A2M: variants seen among roughly 807,000 people sequenced by gnomAD.
A2M encodes the protein alpha-2-macroglobulin.
A2M carries 128 observed loss-of-function variants against 183.9 expected under a neutral mutation model. The observed-to-expected ratio is 0.70, with a 90% CI of 0.60 to 0.81. The LOEUF (loss-of-function observed/expected upper bound fraction) is 0.81. Among genes scored for constraint, A2M ranks in the 30% least tolerant of loss-of-function variants. The pLI is 0.00. For missense variants in A2M, 1,495 were observed against 1,787.6 expected, an observed-to-expected ratio of 0.84 and a Z score of 2.95; for synonymous variants, 592 against 670.8, an observed-to-expected ratio of 0.88 and a Z score of 1.81.
rs777078132 is a variant in A2M, at chr12:9,087,872, TACCC to T, written c.2770+1324_2770+1327del. Among the ~76,000 whole-genome samples, 883 of 152,274 alleles carry T rather than the reference TACCC, an allele frequency of 5.8e-3. 8 individuals are homozygous for T. Among genetic ancestry groups the T allele is most frequent in the African/African-American group, 0.02 (814 of 41,588 alleles). On this transcript the variant is annotated intron_variant, in intron 22 of 35. Transcript: ENST00000318602. ...ACTCAGGAATTTAACATTTTGGATC[TACCC>T]TAGCTGTACTTGCATATGTTCATTA...
At position 9,077,354 on chromosome 12, in the gene A2M, T is replaced by C; in HGVS notation, c.3343A>G (p.Thr1115Ala). The change falls in exon 27 of 36, where the codon ACA becomes GCA. Residue 1115 changes from threonine to alanine, a missense_variant. By Grantham distance (58) the Thr-to-Ala change is moderately conservative. Transcript: ENST00000318602. ...AATGGGGTGGTACCTACAGTGACTGTGAGAGGAATCTCCAGAAGGGCGATG... is the reference window on the plus strand; with the variant it reads ...AATGGGGTGGTACCTACAGTGACTGCGAGAGGAATCTCCAGAAGGGCGATG... The part of the protein sequence containing the change: ...ITIALLEIPL[T>A]VTHPVVRNAL... 6.2e-7 allele frequency: 1 copy of C among 1,613,208 alleles called. No homozygotes were observed. The highest frequency in any genetic ancestry group is 8.5e-7 in the Non-Finnish European group (1 of 1,179,582).
At chr12:9,069,252 A>G (rs1332315188) in intron 33 of A2M, among the ~76,000 whole-genome samples, 2 of 152,216 alleles carry the variant, frequency 1.3e-5, no homozygotes, top group Admixed American at 6.5e-5. Context: ...TTTGTAAACT[A>G]TAATTCCCAT....
chr12:9,093,396 A>T (rs1949269027), intron 18 of A2M, 69 bp downstream of exon 18: 1 of 1,045,272 alleles, frequency 9.6e-7, no homozygotes, highest in Non-Finnish European at 1.5e-6. Context: ...AAACAGAAAA[A>T]CTAGCAAAGA....
chr12:9,109,454 G>T (rs777697022), intron 6 of A2M, 49 bp from the exon 7 acceptor site: 2 of 1,442,726 alleles, frequency 1.4e-6, no homozygotes, highest in South Asian at 2.4e-5. Context: ...CAACTTTGGG[G>T]GAATTCCTAT....
chr12:9,097,632 C>CTTTTTT (rs34844537), intron 15 of A2M, among the ~76,000 whole-genome samples: 17,777 of 126,376 alleles, frequency 0.14, 1,411 homozygotes, highest in African/African-American at 0.16. Flanking sequence ...TGATGTAATT[C>CTTTTTT]TTTTTTTTTT....
At position 9,094,988 on chromosome 12, in the gene A2M, G is replaced by T; in HGVS notation, c.2110C>A (p.Arg704Ser). 1.3e-6 allele frequency: 2 copies of T among 1,561,928 alleles called. No individual in the cohort carries two copies. Among genetic ancestry groups the T allele is most frequent in the Non-Finnish European group, 8.7e-7 (1 of 1,152,922 alleles). The change falls in exon 17 of 36, where the codon CGT (arginine) becomes AGT (serine). Residue 704 changes from arginine to serine, a missense_variant. Physicochemically the swap from Arg to Ser is moderately radical, Grantham distance 110 (BLOSUM62 -1). Transcript: ENST00000318602. ...QYEMHGPEGL[R>S]VGFYESDVMG... The stretch of plus-strand genomic sequence containing the variant: ...TTTTGTTTACCATAAAAACCTACAC[G>T]TAGACCTTCAGGTCCATGCATTTCA...
At chr12:9,093,651 C>CA in intron 17 of A2M, 72 bp from the exon 18 acceptor site, 2 of 742,840 alleles carry the variant, frequency 2.7e-6, no homozygotes, top group South Asian at 4.8e-5. Context: ...TAATAGTTGC[C>CA]ACCAAAAAAA....
intron 33 of A2M, among the ~76,000 whole-genome samples, chr12:9,069,346 T>C (rs985113289): frequency 6.6e-6 from 1 of 152,246 alleles, no homozygotes; most frequent in Non-Finnish European, 1.5e-5. Context: ...TATTATTTTA[T>C]GGTTCAAGTC....
At chr12:9,069,243 T>C (rs1948490658) in intron 33 of A2M, among the ~76,000 whole-genome samples, 2 of 152,226 alleles carry the variant, frequency 1.3e-5, no homozygotes, top group South Asian at 4.1e-4. Flanking sequence ...TTCATAAAAT[T>C]TGTAAACTAT....
At chr12:9,069,707 T>C (rs2137620559) in intron 33 of A2M, 38 bp downstream of exon 33, 3 of 1,537,060 alleles carry the variant, frequency 2.0e-6, no homozygotes, top group Admixed American at 1.7e-5. Context: ...AGGATTATTA[T>C]CTACGTTTTT....
chr12:9,093,089 G>A (rs1228455674), intron 18 of A2M, among the ~76,000 whole-genome samples: 1 of 152,160 alleles, frequency 6.6e-6, no homozygotes, highest in Non-Finnish European at 1.5e-5. Flanking sequence ...GGTGGTTGGG[G>A]TTGCAGGGAT....
intron 13 of A2M, among the ~76,000 whole-genome samples, chr12:9,099,769 A>G (rs1937680105): frequency 6.6e-6 from 1 of 152,214 alleles, no homozygotes; most frequent in South Asian, 2.1e-4. Context: ...GGGTATGAAG[A>G]CATCCAATTC....
chr12:9,090,525 C>G lies in A2M; in HGVS notation c.2470-43G>C, dbSNP rs226411. The G allele has an allele frequency of 0.013, 20,033 of 1,601,272 alleles. 1,982 individuals are homozygous for G. The African/African-American group carries it at 0.22, about 18-fold the overall frequency. ...AAAGGGAGTAGAGAGGGAAGGAGAA[C>G]AGAGGGAGAATGGGTTTGAAGTAAA... is the stretch of plus-strand genomic sequence containing the variant. On this transcript the variant is annotated intron_variant, in intron 19 of 35. Transcript: ENST00000318602.
chr12:9,095,751 T>G lies in A2M; in HGVS notation c.1852-51A>C, dbSNP rs879027950. 5.1e-4 allele frequency: 724 copies of G among 1,406,066 alleles called. 3 individuals carry two copies. The South Asian group carries it at 6.1e-3, about 12-fold the overall frequency. The allele number at this position is 1,406,066 out of a possible 1,614,324, so 87.1% of individuals were successfully genotyped here. On this transcript the variant is annotated intron_variant, in intron 15 of 35. Coordinates refer to ENST00000318602, the MANE Select transcript of A2M (RefSeq NM_000014.6). ...GCAAACTTATTTGTGACTTTTTTTTTTTTTTTTTTTTTTTTTTTTGAGACG... is the reference window on the plus strand; with the variant it reads ...GCAAACTTATTTGTGACTTTTTTTTGTTTTTTTTTTTTTTTTTTTGAGACG...
rs1158363446 is a variant in A2M, at chr12:9,113,475, C to A, written c.155G>T (p.Ser52Ile). Reference protein sequence around the residue: ...ETTEKGCVLLSYLNETVTVSA... With the variant: ...ETTEKGCVLLIYLNETVTVSA... ...TACAGTCACTGTCTCATTCAGGTAG[C>A]TCAGAAGGACACAGCCCTTCTCAGT... The change falls in exon 2 of 36, where the codon AGC becomes ATC. Residue 52 changes from serine to isoleucine, a missense_variant. Physicochemically the swap from Ser to Ile is moderately radical, Grantham distance 142. Transcript: ENST00000318602. The A allele has an allele frequency of 1.9e-6, 3 of 1,613,770 alleles. No homozygotes were observed. Among genetic ancestry groups the A allele is most frequent in the Non-Finnish European group, 2.5e-6 (3 of 1,179,960 alleles).
At chr12:9,077,595 T>G (rs1948784818) in intron 26 of A2M, 106 bp downstream of exon 26, 5 of 1,537,062 alleles carry the variant, frequency 3.3e-6, no homozygotes, top group South Asian at 2.5e-5. Context: ...CCAGGTTTTA[T>G]TTTCCTCTGA....
At chr12:9,115,188 C>T (rs919975547) in intron 1 of A2M, 3 of 152,882 alleles carry the variant, frequency 2.0e-5, no homozygotes, top group African/African-American at 4.8e-5. Context: ...AATCCCTTCT[C>T]ATCACTCATC....
intron 32 of A2M, 21 bp from the exon 33 acceptor site, chr12:9,069,834 A>G (rs771984722): frequency 5.6e-6 from 9 of 1,610,802 alleles, no homozygotes; most frequent in Non-Finnish European, 7.6e-6. Context: ...TTGAAATACC[A>G]CAAATGTTAA....
intron 28 of A2M, among the ~76,000 whole-genome samples, chr12:9,075,205 GA>G (rs373931317): frequency 0.017 from 2,598 of 149,320 alleles, 75 homozygotes; most frequent in African/African-American, 0.06. Flanking sequence ...TCATTAAATT[GA>G]AAAAAAAAAT....
Sources: allele counts gnomAD v4.1 joint callset (sites outside exome capture counted in the v4.1 genomes callset), GRCh38; gene constraint gnomAD v4.1.1; transcripts MANE v1.5; gene names NCBI Gene and HGNC (gene_info 2026-07-23, HGNC 2026-07-21).